BTBD1: variants seen among roughly 807,000 people sequenced by gnomAD.
The protein encoded by BTBD1 is BTB/POZ domain-containing protein 1.
A neutral mutation model predicts 48.0 loss-of-function variants in BTBD1; 34 were observed. The ratio of observed to expected loss-of-function variants is 0.71; its 90% CI spans 0.54 to 0.94. The LOEUF (loss-of-function observed/expected upper bound fraction) is 0.94. Among genes scored for constraint, BTBD1 ranks in the 40% least tolerant of loss-of-function variants. The probability of loss-of-function intolerance (pLI) is 0.00; values close to 1 mark genes in which losing one functional copy is unlikely to be tolerated. For missense variants in BTBD1, 543 were observed against 625.6 expected, an observed-to-expected ratio of 0.87 and a Z score of 1.41; for synonymous variants, 261 against 242.1, an observed-to-expected ratio of 1.08 and a Z score of -0.72.
intron 3 of BTBD1, among the ~76,000 whole-genome samples, chr15:83,048,257 A>G (rs2032915885): frequency 6.6e-6 from 1 of 152,192 alleles, no homozygotes. Flanking sequence ...AACAGTTGGA[A>G]AGGAACAGAA....
intron 5 of BTBD1, chr15:83,029,931 C>T: frequency 3.3e-6 from 2 of 600,276 alleles, no homozygotes; most frequent in Non-Finnish European, 5.8e-6. Context: ...CTATTTTTTT[C>T]TTAAGAAGTC....
At chr15:83,045,064 G>A (rs745387069) in intron 3 of BTBD1, among the ~76,000 whole-genome samples, 1 of 152,060 alleles carries the variant, frequency 6.6e-6, no homozygotes, top group Non-Finnish European at 1.5e-5. Flanking sequence ...GCACTTCTAT[G>A]AAATATCTAA....
rs1192229255 is a variant in BTBD1, at chr15:83,041,778, G to C, written c.812C>G (p.Ala271Gly). ...FGNKQKVLGK[A>G]LSLIRFPLMT... is the part of the protein sequence containing the mutation. ...CAGTGGGAACCGGATTAAGGAAAGT[G>C]CTTTTCCTAGAACTTTTTGTTTATT... is the stretch of plus-strand genomic sequence containing the variant. The change falls in exon 4 of 8, where the codon GCA (alanine) becomes GGA (glycine). Residue 271 changes from alanine (A) to glycine (G), a missense_variant. By Grantham distance (60) the Ala-to-Gly change is moderately conservative (BLOSUM62 0). Around this residue, in one of 3 missense-constraint regions of BTBD1, gnomAD observed 300 missense variants for 350.0 expected, o/e 0.86. Transcript: ENST00000261721. The C allele has an allele frequency of 6.2e-7, 1 of 1,614,136 alleles. No individual in the cohort carries two copies. Among genetic ancestry groups the C allele is most frequent in the East Asian group, 2.2e-5 (1 of 44,888 alleles).
intron 5 of BTBD1, chr15:83,022,419 C>G (rs1166777351): frequency 6.6e-6 from 1 of 151,892 alleles, no homozygotes. Context: ...ATGACTGTAA[C>G]CCAGCACTTT....
chr15:83,064,806 C>T (rs940963415), intron 1 of BTBD1, among the ~76,000 whole-genome samples: 3 of 152,114 alleles, frequency 2.0e-5, no homozygotes, highest in Non-Finnish European at 4.4e-5. Flanking sequence ...GAACTATACC[C>T]AATCCTCCTG....
intron 3 of BTBD1, among the ~76,000 whole-genome samples, chr15:83,045,120 G>A (rs559600557): frequency 6.6e-6 from 1 of 152,264 alleles, no homozygotes; most frequent in African/African-American, 2.4e-5. Context: ...GTATGCTATA[G>A]TTACAGCAGA....
At chr15:83,028,858 G>C (rs2032460860) in intron 5 of BTBD1, 1 of 152,016 alleles carries the variant, frequency 6.6e-6, no homozygotes, top group Non-Finnish European at 1.5e-5. Context: ...TATTACCTTT[G>C]CCAGAGGTTT....
chr15:83,020,511 T>C (rs1450083671), intron 6 of BTBD1, 164 bp downstream of exon 6: 2 of 509,344 alleles, frequency 3.9e-6, no homozygotes, highest in Non-Finnish European at 6.8e-6. Flanking sequence ...ACCAGACTTT[T>C]TAGATCAACT....
At chr15:83,041,411 T>C (rs1439228318) in intron 4 of BTBD1, among the ~76,000 whole-genome samples, 1 of 151,834 alleles carries the variant, frequency 6.6e-6, no homozygotes, top group East Asian at 1.9e-4. Context: ...AATCTCGCTC[T>C]GTCGCCCGGG....
chr15:83,038,596 C>T (rs2032676353), intron 4 of BTBD1, among the ~76,000 whole-genome samples: 1 of 152,038 alleles, frequency 6.6e-6, no homozygotes, highest in African/African-American at 2.4e-5. Flanking sequence ...CCAAAGCAAT[C>T]CTAAGCAGAA....
chr15:83,024,965 C>A (rs1385559331), intron 5 of BTBD1, among the ~76,000 whole-genome samples: 7 of 152,188 alleles, frequency 4.6e-5, no homozygotes, highest in African/African-American at 1.7e-4. Context: ...CTGTTCCATA[C>A]AACACTAACT....
At chr15:83,066,467 G>A (rs1389291417) in intron 1 of BTBD1, among the ~76,000 whole-genome samples, 1 of 152,184 alleles carries the variant, frequency 6.6e-6, no homozygotes, top group Non-Finnish European at 1.5e-5. Context: ...TGAAGTCTGA[G>A]CGACAATCCA....
intron 2 of BTBD1, among the ~76,000 whole-genome samples, chr15:83,055,566 G>T (rs750543920): frequency 1.1e-4 from 16 of 152,136 alleles, no homozygotes; most frequent in Non-Finnish European, 1.8e-4. Context: ...CACAATCTAT[G>T]TAGTTTTCTA....
rs770368255 is a variant in BTBD1 at position 83,067,065 on chromosome 15, GGGC to G, written c.84_86del (p.Pro29del). On this transcript the variant is annotated inframe_deletion, in exon 1 of 8. Coordinates refer to ENST00000261721, the MANE Select transcript of BTBD1 (RefSeq NM_025238.4). Reference sequence around the variant, plus strand: ...GCAGGGGCCCCAGAGAGGACGGTGAGGGCGGCGGCGGCGGCCCCGCGGGGCCCG... The same window carrying G: ...GCAGGGGCCCCAGAGAGGACGGTGAGGGCGGCGGCGGCCCCGCGGGGCCCG... 1.5e-5 allele frequency: 24 copies of G among 1,559,524 alleles called. No individual in the cohort carries two copies. In the Admixed American group the frequency reaches 1.7e-4, roughly 11 times the overall value.
In BTBD1 at chr15:83,041,627, C is replaced by A. The variant is rs542022636; in HGVS notation, c.862+101G>T. 1,159 of 1,046,936 alleles carry A rather than the reference C, an allele frequency of 1.1e-3. 3 individuals carry two copies. Among genetic ancestry groups the A allele is most frequent in the Non-Finnish European group, 1.4e-3 (965 of 687,028 alleles). The allele number at this position is 1,046,936 out of a possible 1,614,324, so 64.9% of individuals were successfully genotyped here. Reference sequence around the variant, plus strand: ...TCCTCAAGTGATCCACCTGCCTTGGCCTCTCGAAAGTGCTGGGATTATAGG... The same window carrying A: ...TCCTCAAGTGATCCACCTGCCTTGGACTCTCGAAAGTGCTGGGATTATAGG... On this transcript the variant is annotated intron_variant, in intron 4 of 7. Transcript: ENST00000261721.
At chr15:83,035,217 C>G (rs1396651034) in intron 4 of BTBD1, among the ~76,000 whole-genome samples, 1 of 152,012 alleles carries the variant, frequency 6.6e-6, no homozygotes, top group South Asian at 2.1e-4. Flanking sequence ...TCGTTGGACC[C>G]CAGGAGGCGG....
chr15:83,046,278 T>A (rs187263903), intron 3 of BTBD1, among the ~76,000 whole-genome samples: 7 of 152,330 alleles, frequency 4.6e-5, no homozygotes, highest in Non-Finnish European at 7.3e-5. Flanking sequence ...AAATGTTTTT[T>A]AATTAATTAC....
intron 4 of BTBD1, among the ~76,000 whole-genome samples, chr15:83,037,774 A>G (rs1201608026): frequency 6.6e-6 from 1 of 152,214 alleles, no homozygotes; most frequent in Non-Finnish European, 1.5e-5. Context: ...ATGCTTCTAT[A>G]CCTACAGAAC....
At chr15:83,055,743 C>A (rs191231888) in intron 2 of BTBD1, among the ~76,000 whole-genome samples, 1 of 152,172 alleles carries the variant, frequency 6.6e-6, no homozygotes. Context: ...CATCTTTATT[C>A]CAGATCCAGC....
Sources: allele counts gnomAD v4.1 joint callset (sites outside exome capture counted in the v4.1 genomes callset), GRCh38; gene constraint gnomAD v4.1.1; regional missense constraint gnomAD v4.1.1; transcripts MANE v1.5; gene names NCBI Gene and HGNC (gene_info 2026-07-23, HGNC 2026-07-21).